The following KCNT2 variants were observed in gnomAD, a reference collection of about 807,000 sequenced individuals.
KCNT2 encodes potassium sodium-activated channel subfamily T member 2, also known as potassium channel subfamily T member 2.
In KCNT2, 67 loss-of-function variants were observed where a neutral mutation model predicts 153.8. The ratio of observed to expected loss-of-function variants is 0.44; its 90% CI spans 0.36 to 0.53. KCNT2 has a LOEUF of 0.53. Among genes scored for constraint, KCNT2 ranks in the 20% least tolerant of loss-of-function variants. The pLI, the probability that KCNT2 is intolerant of heterozygous loss-of-function variation, is 0.00. For missense variants in KCNT2, 975 were observed against 1,354.8 expected, an observed-to-expected ratio of 0.72 and a Z score of 4.40; for synonymous variants, 500 against 458.8, an observed-to-expected ratio of 1.09 and a Z score of -1.15.
At chr1:196,477,603 A>G (rs2148692647) in intron 5 of KCNT2, among the ~76,000 whole-genome samples, 1 of 152,262 alleles carries the variant, frequency 6.6e-6, no homozygotes, top group African/African-American at 2.4e-5. Context: ...TCCAAAAAAA[A>G]AGTGAGAAAG....
At chr1:196,246,989 G>A (rs1337081020) in intron 26 of KCNT2, among the ~76,000 whole-genome samples, 1 of 151,848 alleles carries the variant, frequency 6.6e-6, no homozygotes, top group Non-Finnish European at 1.5e-5. Flanking sequence ...AAATACAAGA[G>A]CACCTGAATG....
chr1:196,415,586 G>A (rs1672689464), intron 12 of KCNT2, among the ~76,000 whole-genome samples: 1 of 151,886 alleles, frequency 6.6e-6, no homozygotes, highest in East Asian at 1.9e-4. Flanking sequence ...CCGGATAAGA[G>A]CATATTAGGA....
intron 4 of KCNT2, 75 bp from the exon 5 acceptor site, chr1:196,479,313 C>T (rs1678803693): frequency 1.2e-6 from 1 of 855,746 alleles, no homozygotes; most frequent in Non-Finnish European, 1.9e-6. Context: ...ATACTACTAA[C>T]TTTATTTAAA....
At position 196,304,010 on chromosome 1, in the gene KCNT2, T is replaced by C. The variant is rs1571971904; in HGVS notation, c.2595+1224A>G. ...TGTCCTGAATATTAATAGCCTTACA[T>C]ATGCCTTGCTGAATTGAACTGGTAG... is the stretch of plus-strand genomic sequence containing the variant. On this transcript the variant is annotated intron_variant, in intron 22 of 27. Transcript: ENST00000294725. 1.3e-5 allele frequency among the ~76,000 whole-genome samples: 2 copies of C among 152,172 alleles called. 1 individual carries two copies. The highest frequency in any genetic ancestry group is 4.1e-4 in the South Asian group (2 of 4,832).
chr1:196,479,572 C>T (rs1474697721), intron 4 of KCNT2, among the ~76,000 whole-genome samples: 4 of 151,996 alleles, frequency 2.6e-5, no homozygotes, highest in African/African-American at 7.3e-5. Context: ...GGGTGTGTTT[C>T]GTTTTAAAAT....
intron 16 of KCNT2, among the ~76,000 whole-genome samples, chr1:196,334,271 C>T (rs1036668227): frequency 2.0e-5 from 3 of 151,790 alleles, no homozygotes; most frequent in African/African-American, 7.3e-5. Flanking sequence ...TCTCTATTTG[C>T]ACAAAAGTGT....
intron 1 of KCNT2, among the ~76,000 whole-genome samples, chr1:196,605,278 A>G (rs796527824): frequency 3.3e-5 from 5 of 152,304 alleles, no homozygotes; most frequent in South Asian, 2.1e-4. Context: ...GGAATTGATC[A>G]CAGATAAAAT....
At chr1:196,395,067 T>C (rs1178163415) in intron 13 of KCNT2, among the ~76,000 whole-genome samples, 1 of 151,348 alleles carries the variant, frequency 6.6e-6, no homozygotes, top group Non-Finnish European at 1.5e-5. Context: ...AATTATGATA[T>C]GGTTATTCTC....
intron 12 of KCNT2, among the ~76,000 whole-genome samples, chr1:196,403,811 T>A (rs2148458071): frequency 6.6e-6 from 1 of 151,818 alleles, no homozygotes; most frequent in East Asian, 1.9e-4. Context: ...CCTTGGGCTC[T>A]AATCTTCACT....
intron 1 of KCNT2, among the ~76,000 whole-genome samples, chr1:196,502,375 A>T (rs78145440): frequency 0.012 from 1,752 of 152,314 alleles, 34 homozygotes; most frequent in African/African-American, 0.04. Context: ...CATTGTCTGC[A>T]TTTTTAAAAT....
intron 22 of KCNT2, among the ~76,000 whole-genome samples, chr1:196,304,184 A>G (rs1390944714): frequency 1.3e-5 from 2 of 152,148 alleles, no homozygotes; most frequent in Non-Finnish European, 2.9e-5. Flanking sequence ...GGATAAATCA[A>G]TAGATGAGGG....
At chr1:196,330,627 T>G (rs903964823) in intron 18 of KCNT2, among the ~76,000 whole-genome samples, 5 of 151,984 alleles carry the variant, frequency 3.3e-5, no homozygotes, top group African/African-American at 9.7e-5. Flanking sequence ...TCTAGCATTC[T>G]TAGAATTTTT....
chr1:196,313,017 G>A (rs1327429739), intron 21 of KCNT2, among the ~76,000 whole-genome samples: 1 of 151,652 alleles, frequency 6.6e-6, no homozygotes, highest in Non-Finnish European at 1.5e-5. Context: ...GTAGGAGGAA[G>A]AGAGAAAAGG....
At chr1:196,556,585 A>T (rs1251134309) in intron 1 of KCNT2, among the ~76,000 whole-genome samples, 1 of 151,464 alleles carries the variant, frequency 6.6e-6, no homozygotes, top group African/African-American at 2.4e-5. Flanking sequence ...TTCATCAGAA[A>T]ACTAAAACTA....
chr1:196,551,632 T>TG (rs1401765955), intron 1 of KCNT2, among the ~76,000 whole-genome samples: 1 of 151,624 alleles, frequency 6.6e-6, no homozygotes, highest in Non-Finnish European at 1.5e-5. Flanking sequence ...GCACTTGCAG[T>TG]GGGGGGTCAG....
rs974010134 is a variant in KCNT2, at chr1:196,512,808, A to G, written c.96-20467T>C. On this transcript the variant is annotated intron_variant, in intron 1 of 27. Transcript: ENST00000294725. ...CAAACTGAACTCCATCCATTTATCA[A>G]TCTACAAAAATAGCAACAAAGTATT... is the stretch of plus-strand genomic sequence containing the variant. Among the ~76,000 whole-genome samples, 6 of 152,168 alleles carry G rather than the reference A, an allele frequency of 3.9e-5. No individual in the cohort carries two copies. In the South Asian group the frequency reaches 1.0e-3, roughly 26 times the overall value.
chr1:196,429,682 C>T lies in KCNT2; in HGVS notation c.714G>A (p.Val238=), dbSNP rs1673965419. 6.2e-7 allele frequency: 1 copy of T among 1,612,754 alleles called. No homozygotes were observed. Among genetic ancestry groups the T allele is most frequent in the African/African-American group, 1.3e-5 (1 of 74,870 alleles). Residue 238 remains valine (V), a synonymous_variant, in exon 9 of 28, where the codon GTG becomes GTA. Coordinates refer to ENST00000294725, the MANE Select transcript of KCNT2 (RefSeq NM_198503.5). ...NLFDSLYFCI[V]TFSTVGFGDV... ...CCCCGAAGCCCACAGTAGAAAACGT[C>T]ACAATGCAGAAATAAAGGGAGTCAA... is the stretch of plus-strand genomic sequence containing the variant.
At chr1:196,500,658 A>G (rs949862995) in intron 1 of KCNT2, among the ~76,000 whole-genome samples, 4 of 152,214 alleles carry the variant, frequency 2.6e-5, no homozygotes, top group African/African-American at 9.6e-5. Context: ...ATAACCAACA[A>G]ATGAAGGCTT....
chr1:196,278,695 G>A (rs937453328), intron 25 of KCNT2, among the ~76,000 whole-genome samples: 3 of 152,020 alleles, frequency 2.0e-5, no homozygotes, highest in African/African-American at 7.2e-5. Context: ...AGTTGACCAA[G>A]GCCAGAATTT....
Sources: gnomAD v4.1 joint callset for allele counts (sites outside exome capture counted in the v4.1 genomes callset) on GRCh38, gnomAD v4.1.1 for gene constraint, MANE v1.5 for transcripts, NCBI Gene and HGNC (gene_info 2026-07-23, HGNC 2026-07-21) for gene names.